The following ATM variants were observed in gnomAD, a reference collection of about 807,000 sequenced individuals.
The protein encoded by ATM is serine-protein kinase ATM.
A neutral mutation model predicts 387.0 loss-of-function variants in ATM; 308 were observed. The ratio of observed to expected loss-of-function variants is 0.80; its 90% CI spans 0.73 to 0.87. ATM has a LOEUF of 0.87. Ranked by LOEUF, ATM falls within the 40% of genes least tolerant of loss-of-function variation. ATM has a pLI of 0.00. For missense variants in ATM, 3,312 were observed against 3,560.9 expected, an observed-to-expected ratio of 0.93 and a Z score of 1.78; for synonymous variants, 1,156 against 1,187.3, an observed-to-expected ratio of 0.97 and a Z score of 0.54.
In ATM at chr11:108,365,477, G is replaced by A. The variant is rs1047129530; in HGVS notation, c.9140G>A (p.Arg3047Gln). 1 of 1,614,158 alleles carries A rather than the reference G, an allele frequency of 6.2e-7. No homozygotes were observed. Among genetic ancestry groups the A allele is most frequent in the Non-Finnish European group, 8.5e-7 (1 of 1,180,026 alleles). The change falls in exon 63 of 63, where the codon CGA (arginine) becomes CAA (glutamine). Residue 3047 changes from arginine to glutamine, a missense_variant. Arg to Gln is a conservative substitution (Grantham distance 43). Around this residue, in one of 4 missense-constraint regions of ATM, gnomAD observed 95 missense variants for 100.3 expected, o/e 0.95. Coordinates refer to ENST00000675843, the MANE Select transcript of ATM (RefSeq NM_000051.4). ...QQAIDPKNLS[R>Q]LFPGWKAWV ...GCCATAGACCCCAAAAATCTCAGCC[G>A]ACTTTTCCCAGGATGGAAAGCTTGG...
At chr11:108,277,332 C>T (rs2081998367) in intron 22 of ATM, among the ~76,000 whole-genome samples, 3 of 152,144 alleles carry the variant, frequency 2.0e-5, no homozygotes, top group Admixed American at 2.0e-4. Context: ...TGAGCTAGAC[C>T]ACTTGGCTCC....
chr11:108,360,133 A>C (rs1466456638), intron 61 of ATM, among the ~76,000 whole-genome samples: 8 of 151,192 alleles, frequency 5.3e-5, no homozygotes, highest in East Asian at 1.9e-4. Flanking sequence ...GATCCCACAG[A>C]AATACAAACT....
At chr11:108,337,205 T>C (rs565839395) in intron 56 of ATM, among the ~76,000 whole-genome samples, 7 of 152,180 alleles carry the variant, frequency 4.6e-5, no homozygotes, top group Admixed American at 1.3e-4. Flanking sequence ...ATAAAACTTA[T>C]TGGTTGGGAG....
rs150440359 is a variant in ATM at position 108,356,953 on chromosome 11, G to A, written c.8850+2079G>A. 5.1e-3 allele frequency among the ~76,000 whole-genome samples: 771 copies of A among 152,308 alleles called. 9 individuals are homozygous for A. The highest frequency in any genetic ancestry group is 0.018 in the African/African-American group (734 of 41,580). On this transcript the variant is annotated intron_variant, in intron 61 of 62. Transcript: ENST00000675843. ...TCCGGGAGGAGGAGCCAAGATGGCC[G>A]AATAGGAACAGCTCCGGTATACAGC...
At chr11:108,294,613 C>T (rs1283642766) in intron 31 of ATM, among the ~76,000 whole-genome samples, 1 of 152,206 alleles carries the variant, frequency 6.6e-6, no homozygotes, top group Non-Finnish European at 1.5e-5. Context: ...GTGGCACATT[C>T]CTGTAAATGC....
At chr11:108,291,032 G>A (rs996355805) in intron 29 of ATM, among the ~76,000 whole-genome samples, 1 of 151,880 alleles carries the variant, frequency 6.6e-6, no homozygotes, top group East Asian at 1.9e-4. Flanking sequence ...TCAGGAGATC[G>A]AGACCATCCT....
At chr11:108,364,440 T>C (rs1031828828) in intron 61 of ATM, among the ~76,000 whole-genome samples, 4 of 152,192 alleles carry the variant, frequency 2.6e-5, no homozygotes, top group South Asian at 2.1e-4. Context: ...GCTCTAGCCA[T>C]GTCAGTTGTT....
At chr11:108,241,120 G>C (rs945813246) in intron 5 of ATM, among the ~76,000 whole-genome samples, 1 of 152,128 alleles carries the variant, frequency 6.6e-6, no homozygotes, top group African/African-American at 2.4e-5. Context: ...GCCTACATAA[G>C]GTCAGGATCA....
chr11:108,365,647 T>C lies in ATM; in HGVS notation c.*139T>C. ...GGGTTTTTTTGAATGTTGGTTTTAA[T>C]ACTTGATTTAATCACCACTCAAAAA... On this transcript the variant is annotated 3_prime_UTR_variant, in exon 63 of 63. Transcript: ENST00000675843. The C allele has an allele frequency of 3.8e-6, 4 of 1,051,932 alleles. No homozygotes were observed. The South Asian group carries it at 6.3e-5, about 17-fold the overall frequency. The allele number at this position is 1,051,932 out of a possible 1,614,324, so 65.2% of individuals were successfully genotyped here.
At chr11:108,252,766 C>A (rs1468745651) in intron 11 of ATM, 51 bp from the exon 12 acceptor site, 1 of 1,261,492 alleles carries the variant, frequency 7.9e-7, no homozygotes, top group Non-Finnish European at 1.2e-6. Context: ...TTAAAGTATT[C>A]TTTACATGGC....
rs570171607 is a variant in ATM, at chr11:108,236,650, G to A, written c.496+816G>A. On this transcript the variant is annotated intron_variant, in intron 5 of 62. Coordinates refer to ENST00000675843, the MANE Select transcript of ATM (RefSeq NM_000051.4). The stretch of plus-strand genomic sequence containing the variant: ...AAGTATCCATTGGATGAGGCAGTTA[G>A]CACGCTACTTCTAAGGTAATGGAAA... The A allele has an allele frequency of 8.5e-5, 13 of 152,284 alleles. 1 individual carries two copies. In the East Asian group the frequency reaches 1.2e-3, roughly 14 times the overall value. The allele number at this position is 152,284 out of a possible 1,614,324, so 9.4% of individuals were successfully genotyped here. A position where few individuals can be genotyped will look rare whatever the true frequency, so the allele number is the denominator to read the frequency against.
In ATM at chr11:108,308,083, C is replaced by T. The variant is rs528487305; in HGVS notation, c.5762+99C>T. On this transcript the variant is annotated intron_variant, in intron 38 of 62. Coordinates refer to ENST00000675843, the MANE Select transcript of ATM (RefSeq NM_000051.4). ...ATGATTATTTTAGGTGAAGGTGTTG[C>T]AAAGTGTTATATTTAATTTGTGTGA... is the stretch of plus-strand genomic sequence containing the variant. The T allele has an allele frequency of 3.5e-5, 39 of 1,104,034 alleles. No individual in the cohort carries two copies. The African/African-American group carries it at 5.1e-4, about 15-fold the overall frequency. 68.4% of individuals were successfully genotyped at this position (1,104,034 alleles called of 1,614,324 possible).
At chr11:108,295,393 C>T in intron 32 of ATM, 2 of 296,230 alleles carry the variant, frequency 6.8e-6, no homozygotes, top group South Asian at 3.4e-5. Flanking sequence ...GTGGCACCAT[C>T]ATAACTTACT....
At position 108,272,706 on chromosome 11, in the gene ATM, A is replaced by C. The variant is rs556888479; in HGVS notation, c.3154-16A>C. ...TTTTCTCTATTTCATATTTAACCACAGTTCTTTTCCCGTAGGCTGATCCTT... is the reference window on the plus strand; with the variant it reads ...TTTTCTCTATTTCATATTTAACCACCGTTCTTTTCCCGTAGGCTGATCCTT... On this transcript the variant is annotated splice_polypyrimidine_tract_variant and intron_variant, in intron 21 of 62. Transcript: ENST00000675843. 2 of 1,613,908 alleles carry C rather than the reference A, an allele frequency of 1.2e-6. No individual in the cohort carries two copies. The highest frequency in any genetic ancestry group is 2.2e-5 in the East Asian group (1 of 44,852).
At chr11:108,306,326 TA>T (rs4988054) in intron 37 of ATM, among the ~76,000 whole-genome samples, 288 of 152,314 alleles carry the variant, frequency 1.9e-3, no homozygotes, top group African/African-American at 6.7e-3. Context: ...ATGAAAATCC[TA>T]AAATAAAAAT....
rs1474055596 is a variant in ATM, at chr11:108,302,913, CTG to C, written c.5383_5384del (p.Trp1795AspfsTer5). The C allele has an allele frequency of 6.2e-7, 1 of 1,613,438 alleles. No individual in the cohort carries two copies. Among genetic ancestry groups the C allele is most frequent in the Admixed American group, 1.7e-5 (1 of 60,006 alleles). On this transcript the variant is annotated frameshift_variant, in exon 36 of 63. Coordinates refer to ENST00000675843, the MANE Select transcript of ATM (RefSeq NM_000051.4). LOFTEE classifies it high-confidence loss of function. ...TTTTGAAGGCCTGGATGATATAAATCTGTGGATTCCTCTAAGTGAAAATCATG... is the reference window on the plus strand; with the variant it reads ...TTTTGAAGGCCTGGATGATATAAATCTGGATTCCTCTAAGTGAAAATCATG... ...NPFEGLDDIN[L>X]WIPLSENHDI...
chr11:108,260,626 T>G (rs2080807599), intron 16 of ATM, among the ~76,000 whole-genome samples: 1 of 152,136 alleles, frequency 6.6e-6, no homozygotes, highest in African/African-American at 2.4e-5. Context: ...GAAATAATTT[T>G]GAGGGAGGAG....
intron 40 of ATM, among the ~76,000 whole-genome samples, chr11:108,313,290 C>G (rs183920006): frequency 6.6e-6 from 1 of 152,172 alleles, no homozygotes; most frequent in Admixed American, 6.6e-5. Context: ...TAAAAATTCC[C>G]TTTCTCACAA....
At chr11:108,302,802 A>G (rs766861037) in intron 35 of ATM, 51 bp from the exon 36 acceptor site, 14 of 1,509,230 alleles carry the variant, frequency 9.3e-6, no homozygotes, top group African/African-American at 1.4e-5. Context: ...TAGGAAAGGT[A>G]CAATGATTTC....
Sources: allele counts gnomAD v4.1 joint callset (sites outside exome capture counted in the v4.1 genomes callset), GRCh38; gene constraint gnomAD v4.1.1; regional missense constraint gnomAD v4.1.1; transcripts MANE v1.5; gene names NCBI Gene and HGNC (gene_info 2026-07-23, HGNC 2026-07-21).